The following PDCD4 variants were observed in gnomAD, a reference collection of about 807,000 sequenced individuals.
The protein encoded by PDCD4 is programmed cell death protein 4.
PDCD4 carries 56 observed loss-of-function variants against 54.0 expected under a neutral mutation model. That is an observed-to-expected ratio of 1.04 (90% CI 0.84 to 1.30). PDCD4 has a LOEUF of 1.30. Among genes scored for constraint, PDCD4 ranks in the 50% most tolerant of loss-of-function variants. The pLI, the probability that PDCD4 is intolerant of heterozygous loss-of-function variation, is 0.00. For synonymous variants in PDCD4, 186 were observed against 194.8 expected, an observed-to-expected ratio of 0.95 and a Z score of 0.37; for missense variants, 584 against 559.8, an observed-to-expected ratio of 1.04 and a Z score of -0.44.
intron 2 of PDCD4, chr10:110,876,640 C>A: frequency 1.4e-6 from 1 of 706,396 alleles, no homozygotes; most frequent in Non-Finnish European, 2.1e-6. Context: ...TCTTTCCTAA[C>A]AAATAATTTT....
intron 1 of PDCD4, among the ~76,000 whole-genome samples, 165 bp from the exon 2 acceptor site, chr10:110,875,801 G>A (rs1192430205): frequency 6.6e-6 from 1 of 152,048 alleles, no homozygotes; most frequent in African/African-American, 2.4e-5. Context: ...ATGTTAATTA[G>A]GGTAAGTTGT....
intron 10 of PDCD4, 110 bp from the exon 11 acceptor site, chr10:110,895,838 C>G: frequency 1.3e-6 from 1 of 744,400 alleles, no homozygotes; most frequent in Non-Finnish European, 2.1e-6. Flanking sequence ...TCAGTTTAAC[C>G]ATTTGAATAT....
intron 8 of PDCD4, among the ~76,000 whole-genome samples, chr10:110,893,319 T>C (rs1459800166): frequency 6.6e-6 from 1 of 151,604 alleles, no homozygotes; most frequent in African/African-American, 2.4e-5. Context: ...TATGAAAATA[T>C]CTTATAGAAG....
intron 4 of PDCD4, 24 bp from the exon 5 acceptor site, chr10:110,885,227 ACT>A (rs750926841): frequency 1.9e-6 from 2 of 1,053,074 alleles, no homozygotes. Flanking sequence ...GTTTTTTATA[ACT>A]CTTACTCCCT....
Position 110,876,050 on chromosome 10 carries a change from T to A in PDCD4, c.23T>A (p.Ile8Lys). The A allele has an allele frequency of 6.2e-7, 1 of 1,610,978 alleles. No individual in the cohort carries two copies. The highest frequency in any genetic ancestry group is 8.5e-7 in the Non-Finnish European group (1 of 1,178,244). The change falls in exon 2 of 12, where the codon ATA becomes AAA. Residue 8 changes from isoleucine to lysine, a missense_variant. By Grantham distance (102) the Ile-to-Lys change is moderately radical (BLOSUM62 -3). Coordinates refer to ENST00000280154, the MANE Select transcript of PDCD4 (RefSeq NM_014456.5). MDVENEQ[I>K]LNVNPADPDN... ...AAAATGGATGTAGAAAATGAGCAGA[T>A]ACTGAATGTAAACCCTGCAGGTAAG... is the stretch of plus-strand genomic sequence containing the variant.
intron 11 of PDCD4, among the ~76,000 whole-genome samples, chr10:110,896,600 A>G (rs925326059): frequency 6.6e-6 from 1 of 152,022 alleles, no homozygotes; most frequent in Non-Finnish European, 1.5e-5. Context: ...TTCTCACTGG[A>G]AAGTGTATGT....
chr10:110,892,313 T>C (rs1324630389), intron 8 of PDCD4, among the ~76,000 whole-genome samples: 1 of 152,206 alleles, frequency 6.6e-6, no homozygotes, highest in Admixed American at 6.5e-5. Context: ...CTGGACAAGC[T>C]GTTTTATGGT....
At chr10:110,879,097 A>G (rs1845551591) in intron 2 of PDCD4, among the ~76,000 whole-genome samples, 1 of 152,174 alleles carries the variant, frequency 6.6e-6, no homozygotes, top group African/African-American at 2.4e-5. Flanking sequence ...TTTTCTTTAA[A>G]AGTGTAACAT....
At chr10:110,890,897 A>G (rs1049071165) in intron 8 of PDCD4, 2 of 340,594 alleles carry the variant, frequency 5.9e-6, no homozygotes, top group Non-Finnish European at 1.0e-5. Context: ...ATTATAAGCA[A>G]GCCATCTATG....
At chr10:110,890,913 C>T (rs1280996245) in intron 8 of PDCD4, 1 of 314,968 alleles carries the variant, frequency 3.2e-6, no homozygotes, top group Non-Finnish European at 5.7e-6. Context: ...CTATGAACTT[C>T]AAAGGAATGC....
chr10:110,883,867 T>C (rs904664663), intron 4 of PDCD4, among the ~76,000 whole-genome samples: 5 of 152,208 alleles, frequency 3.3e-5, no homozygotes, highest in Admixed American at 6.5e-5. Flanking sequence ...CTAATAGATA[T>C]GGAAATATTT....
intron 5 of PDCD4, among the ~76,000 whole-genome samples, chr10:110,886,466 G>A (rs1845671182): frequency 6.6e-6 from 1 of 152,148 alleles, no homozygotes; most frequent in Admixed American, 6.5e-5. Context: ...AAGATGAAAT[G>A]CAGTCAGTGA....
intron 4 of PDCD4, among the ~76,000 whole-genome samples, chr10:110,883,462 G>T (rs1845622510): frequency 6.6e-6 from 1 of 151,696 alleles, no homozygotes; most frequent in East Asian, 1.9e-4. Context: ...ATTTTGTTTT[G>T]GGGACATGCG....
Position 110,898,158 on chromosome 10 carries a change from GTTTTTT to G in PDCD4, c.*85_*90del. The G allele has an allele frequency of 2.1e-5, 8 of 385,392 alleles. No individual in the cohort carries two copies. The highest frequency in any genetic ancestry group is 1.7e-5 in the Non-Finnish European group (4 of 239,298). The allele number at this position is 385,392 out of a possible 1,614,324, so 23.9% of individuals were successfully genotyped here. On this transcript the variant is annotated 3_prime_UTR_variant, in exon 12 of 12. Transcript: ENST00000280154. The stretch of plus-strand genomic sequence containing the variant: ...TGAATTGTAAGAGTTGTTAGCACAA[GTTTTTT>G]TTTTTTTTTTTTTTAAGCACTTGTT...
chr10:110,898,157 AGT>A lies in PDCD4; in HGVS notation c.*70_*71del, dbSNP rs1491521147. The A allele has an allele frequency of 1.9e-4, 130 of 672,924 alleles. 1 individual carries two copies. The South Asian group carries it at 3.5e-3, about 18-fold the overall frequency. 41.7% of individuals were successfully genotyped at this position (672,924 alleles called of 1,614,324 possible). A position where few individuals can be genotyped will look rare whatever the true frequency, so the allele number is the denominator to read the frequency against. On this transcript the variant is annotated 3_prime_UTR_variant, in exon 12 of 12. Transcript: ENST00000280154. The stretch of plus-strand genomic sequence containing the variant: ...CTGAATTGTAAGAGTTGTTAGCACA[AGT>A]TTTTTTTTTTTTTTTTTTTAAGCAC...
intron 4 of PDCD4, among the ~76,000 whole-genome samples, chr10:110,883,957 G>GTATA (rs1201683830): frequency 6.6e-6 from 1 of 152,220 alleles, no homozygotes; most frequent in Non-Finnish European, 1.5e-5. Flanking sequence ...AATCTTTCAA[G>GTATA]TATATGTTTT....
intron 1 of PDCD4, among the ~76,000 whole-genome samples, chr10:110,873,601 A>G (rs1845456416): frequency 6.6e-6 from 1 of 152,162 alleles, no homozygotes; most frequent in African/African-American, 2.4e-5. Context: ...CTCATCGAAA[A>G]TTCATTTTTG....
At chr10:110,882,869 G>C in intron 3 of PDCD4, 134 bp from the exon 4 acceptor site, 1 of 607,702 alleles carries the variant, frequency 1.6e-6, no homozygotes, top group Non-Finnish European at 2.9e-6. Flanking sequence ...AGTAGGGGAA[G>C]AAAACTGGAA....
At chr10:110,875,678 CAT>C (rs951299806) in intron 1 of PDCD4, among the ~76,000 whole-genome samples, 3 of 151,982 alleles carry the variant, frequency 2.0e-5, no homozygotes, top group African/African-American at 4.8e-5. Context: ...TTGACGTAAA[CAT>C]GTATCACAAA....
Sources: allele counts gnomAD v4.1 joint callset (sites outside exome capture counted in the v4.1 genomes callset), GRCh38; gene constraint gnomAD v4.1.1; transcripts MANE v1.5; gene names NCBI Gene and HGNC (gene_info 2026-07-23, HGNC 2026-07-21).